The following CMYA5 variants were observed in gnomAD, a reference collection of about 807,000 sequenced individuals.
CMYA5 encodes the protein cardiomyopathy associated 5.
A neutral mutation model predicts 318.9 loss-of-function variants in CMYA5; 246 were observed. The ratio of observed to expected loss-of-function variants is 0.77; its 90% CI spans 0.70 to 0.86. The LOEUF (loss-of-function observed/expected upper bound fraction) is 0.86, where lower values mean the gene tolerates loss of function less well. Among genes scored for constraint, CMYA5 ranks in the 40% least tolerant of loss-of-function variants. The pLI is 0.00. For synonymous variants in CMYA5, 1,641 were observed against 1,729.5 expected (o/e 0.95, Z 1.27); for missense variants, 4,589 against 4,678.2 (o/e 0.98, Z 0.56).
At position 79,729,993 on chromosome 5, in the gene CMYA5, A is replaced by G. The variant is rs1298168517; in HGVS notation, c.1228A>G (p.Asn410Asp). 3.1e-6 allele frequency: 5 copies of G among 1,614,022 alleles called. No homozygotes were observed. Among genetic ancestry groups the G allele is most frequent in the Non-Finnish European group, 4.2e-6 (5 of 1,179,896 alleles). ...TTCACCAGGAACTGCAGCTTCAGAG[A>G]ATGACTCTTCAGTCTCACCATCATT... ...LASPGTAASE[N>D]DSSVSPSFAN... Residue 410 changes from asparagine (N) to aspartate (D), a missense_variant, in exon 2 of 13, where the codon AAT becomes GAT. Asn to Asp is a conservative substitution (Grantham distance 23). Around this residue, in one of 3 missense-constraint regions of CMYA5, gnomAD observed 2,132 missense variants for 2,131.3 expected, o/e 1.00. Coordinates refer to ENST00000446378, the MANE Select transcript of CMYA5 (RefSeq NM_153610.5).
At chr5:79,759,373 AGTTTCTCAGGTC>A (rs1348829905) in intron 7 of CMYA5, among the ~76,000 whole-genome samples, 6 of 152,378 alleles carry the variant, frequency 3.9e-5, no homozygotes, top group Admixed American at 3.9e-4. Flanking sequence ...CATGGGTGGC[AGTTTCTCAGGTC>A]TGTCTTTGCT....
At chr5:79,760,682 C>T (rs1828633998) in intron 7 of CMYA5, among the ~76,000 whole-genome samples, 1 of 152,186 alleles carries the variant, frequency 6.6e-6, no homozygotes, top group Non-Finnish European at 1.5e-5. Flanking sequence ...ATTCAATCAC[C>T]TCCCACCAGG....
chr5:79,773,611 G>C (rs976364405), intron 9 of CMYA5, among the ~76,000 whole-genome samples: 3 of 152,238 alleles, frequency 2.0e-5, no homozygotes, highest in African/African-American at 7.2e-5. Context: ...TTGTGGTTTA[G>C]TTTAACTGAG....
chr5:79,746,742 C>G (rs1828331490), intron 4 of CMYA5, among the ~76,000 whole-genome samples: 1 of 152,098 alleles, frequency 6.6e-6, no homozygotes, highest in South Asian at 2.1e-4. Flanking sequence ...GGAAGCTAAG[C>G]CATTGGTTGA....
chr5:79,778,415 G>A (rs1357159196), intron 9 of CMYA5, among the ~76,000 whole-genome samples: 1 of 152,104 alleles, frequency 6.6e-6, no homozygotes, highest in Non-Finnish European at 1.5e-5. Flanking sequence ...TTATACCCTT[G>A]CCTAAACATT....
intron 1 of CMYA5, among the ~76,000 whole-genome samples, chr5:79,704,115 G>A (rs1234049483): frequency 6.6e-6 from 1 of 151,734 alleles, no homozygotes; most frequent in Non-Finnish European, 1.5e-5. Flanking sequence ...ATGTACATCT[G>A]TGAAACTGTC....
rs780720111 is a variant in CMYA5, at chr5:79,733,587, T to G, written c.4822T>G (p.Ser1608Ala). 4 of 1,613,794 alleles carry G rather than the reference T, an allele frequency of 2.5e-6. No individual in the cohort carries two copies. Among genetic ancestry groups the G allele is most frequent in the Non-Finnish European group, 3.4e-6 (4 of 1,179,810 alleles). ...VSSTAQGDFP[S>A]EKQDVALAEL... ...TTCTACAGCTCAGGGAGACTTCCCATCAGAAAAACAAGATGTTGCTTTGGC... is the reference window on the plus strand; with the variant it reads ...TTCTACAGCTCAGGGAGACTTCCCAGCAGAAAAACAAGATGTTGCTTTGGC... The change falls in exon 2 of 13, where the codon TCA becomes GCA. Residue 1608 changes from serine to alanine, a missense_variant. Around this residue, in one of 3 missense-constraint regions of CMYA5, gnomAD observed 2,132 missense variants for 2,131.3 expected, o/e 1.00. Coordinates refer to ENST00000446378, the MANE Select transcript of CMYA5 (RefSeq NM_153610.5).
At chr5:79,767,598 T>A (rs1474669568) in intron 9 of CMYA5, among the ~76,000 whole-genome samples, 1 of 152,222 alleles carries the variant, frequency 6.6e-6, no homozygotes, top group Admixed American at 6.5e-5. Context: ...TCAGTTTCCA[T>A]GTAGTTGTGT....
intron 1 of CMYA5, among the ~76,000 whole-genome samples, chr5:79,721,843 G>C (rs1302602615): frequency 1.3e-5 from 2 of 152,062 alleles, no homozygotes; most frequent in Non-Finnish European, 2.9e-5. Context: ...AATATTTACA[G>C]AACCATAAGG....
In CMYA5 at chr5:79,733,956, T is replaced by C; in HGVS notation, c.5191T>C (p.Ser1731Pro). Residue 1731 changes from serine (S) to proline (P), a missense_variant, in exon 2 of 13, where the codon TCT (serine) becomes CCT (proline). Transcript: ENST00000446378. ...CCTAGAGTCGAAAGAACCACCTGCCTCTGTAGCTGAAGGAGGCAACCCAGA... is the reference window on the plus strand; with the variant it reads ...CCTAGAGTCGAAAGAACCACCTGCCCCTGTAGCTGAAGGAGGCAACCCAGA... ...ISLESKEPPASVAEGGNPEEF... is the reference protein window; with the variant it reads ...ISLESKEPPAPVAEGGNPEEF... 1 of 1,613,526 alleles carries C rather than the reference T, an allele frequency of 6.2e-7. No homozygotes were observed. The highest frequency in any genetic ancestry group is 1.1e-5 in the South Asian group (1 of 91,066).
At chr5:79,709,960 CAAAAAAAAA>C (rs61657639) in intron 1 of CMYA5, among the ~76,000 whole-genome samples, 8 of 24,322 alleles carry the variant, frequency 3.3e-4, no homozygotes, top group African/African-American at 9.1e-4. Flanking sequence ...GACTCCATCT[CAAAAAAAAA>C]AAAAAAAAAA....
At chr5:79,725,497 C>T (rs989211320) in intron 1 of CMYA5, among the ~76,000 whole-genome samples, 2 of 152,168 alleles carry the variant, frequency 1.3e-5, no homozygotes, top group African/African-American at 4.8e-5. Context: ...AGCTAAAAAA[C>T]ACACTGGGTA....
chr5:79,793,219 G>C (rs2151101272), intron 11 of CMYA5, among the ~76,000 whole-genome samples: 1 of 152,272 alleles, frequency 6.6e-6, no homozygotes, highest in Admixed American at 6.5e-5. Flanking sequence ...GTATGTATGT[G>C]ACTGGCAATA....
In CMYA5 at chr5:79,735,363, G is replaced by A; in HGVS notation, c.6598G>A (p.Glu2200Lys). The A allele has an allele frequency of 4.3e-6, 7 of 1,613,792 alleles. No homozygotes were observed. The highest frequency in any genetic ancestry group is 5.1e-6 in the Non-Finnish European group (6 of 1,179,786). ...TCCAGATAACAAAGTTGCTGAACAA[G>A]AAGACTTAGAAACACAGCCAAGTCC... Reference protein sequence around the residue: ...STPDNKVAEQEDLETQPSPSV... With the variant: ...STPDNKVAEQKDLETQPSPSV... Residue 2200 changes from glutamate (E) to lysine (K), a missense_variant, in exon 2 of 13, where the codon GAA becomes AAA. Transcript: ENST00000446378.
At chr5:79,774,744 G>A (rs1444539743) in intron 9 of CMYA5, among the ~76,000 whole-genome samples, 2 of 152,132 alleles carry the variant, frequency 1.3e-5, no homozygotes, top group South Asian at 2.1e-4. Context: ...CAGCTTTTGG[G>A]GCCCCACCTG....
intron 9 of CMYA5, among the ~76,000 whole-genome samples, chr5:79,787,656 T>G (rs1829104433): frequency 6.6e-6 from 1 of 152,220 alleles, no homozygotes; most frequent in African/African-American, 2.4e-5. Flanking sequence ...GAGTTTGCAC[T>G]GACCTTTTCC....
intron 12 of CMYA5, 61 bp downstream of exon 12, chr5:79,793,671 G>T: frequency 6.9e-7 from 1 of 1,454,992 alleles, no homozygotes; most frequent in Non-Finnish European, 9.4e-7. Context: ...TCCAGGCAGG[G>T]CTCTCTGAGG....
rs1343319038 is a variant in CMYA5 at position 79,738,717 on chromosome 5, G to A, written c.9952G>A (p.Ala3318Thr). 2 of 1,613,826 alleles carry A rather than the reference G, an allele frequency of 1.2e-6. No individual in the cohort carries two copies. Among genetic ancestry groups the A allele is most frequent in the Non-Finnish European group, 1.7e-6 (2 of 1,179,868 alleles). The change falls in exon 2 of 13, where the codon GCG becomes ACG. Residue 3318 changes from alanine (A) to threonine (T), a missense_variant. Ala to Thr is a moderately conservative substitution (Grantham distance 58, BLOSUM62 0). Around this residue, in one of 3 missense-constraint regions of CMYA5, gnomAD observed 2,431 missense variants for 2,495.1 expected, o/e 0.97. Coordinates refer to ENST00000446378, the MANE Select transcript of CMYA5 (RefSeq NM_153610.5). ...VDHVETVGNV[A>T]MQKKAPITED... ...CCATGTGGAGACCGTTGGTAACGTA[G>A]CGATGCAGAAGAAAGCTCCCATCAC...
intron 1 of CMYA5, among the ~76,000 whole-genome samples, chr5:79,691,105 G>A (rs1826962980): frequency 6.6e-6 from 1 of 152,194 alleles, no homozygotes; most frequent in South Asian, 2.1e-4. Context: ...CCTAACATGG[G>A]GAGTGTGAGA....
Sources: gnomAD v4.1 joint callset for allele counts (sites outside exome capture counted in the v4.1 genomes callset) on GRCh38, gnomAD v4.1.1 for gene constraint, gnomAD v4.1.1 regional missense constraint, MANE v1.5 for transcripts, NCBI Gene and HGNC (gene_info 2026-07-23, HGNC 2026-07-21) for gene names.